DPP10: variants seen among roughly 807,000 people sequenced by gnomAD.
DPP10 encodes the protein inactive dipeptidyl peptidase 10.
Under a neutral mutation model 120.9 loss-of-function variants are expected in DPP10, and 33 were observed. That is an observed-to-expected ratio of 0.27 (90% CI 0.21 to 0.37). The LOEUF (loss-of-function observed/expected upper bound fraction) is 0.37, where lower values mean the gene tolerates loss of function less well. Among genes scored for constraint, DPP10 ranks in the 10% least tolerant of loss-of-function variants. The pLI is 1.00. For synonymous variants in DPP10, 337 were observed against 326.1 expected, an observed-to-expected ratio of 1.03 and a Z score of -0.36; for missense variants, 816 against 942.8, an observed-to-expected ratio of 0.87 and a Z score of 1.76.
intron 1 of DPP10, among the ~76,000 whole-genome samples, chr2:114,738,002 A>G (rs923580051): frequency 6.6e-6 from 1 of 152,202 alleles, no homozygotes; most frequent in Non-Finnish European, 1.5e-5. Flanking sequence ...AAGCCTTAGG[A>G]AACTTACAAT....
chr2:114,910,144 TAAATA>T (rs1694260361), intron 1 of DPP10, among the ~76,000 whole-genome samples: 1 of 151,810 alleles, frequency 6.6e-6, no homozygotes, highest in South Asian at 2.1e-4. Flanking sequence ...CATAAATAAA[TAAATA>T]AGATAAATAA....
intron 1 of DPP10, among the ~76,000 whole-genome samples, chr2:115,227,914 CT>C (rs1197473119): frequency 2.8e-5 from 3 of 106,414 alleles, no homozygotes; most frequent in Non-Finnish European, 3.7e-5. Context: ...CATCCGATTT[CT>C]TTTTTTTCCT....
At chr2:115,725,107 A>G (rs1489171994) in intron 7 of DPP10, among the ~76,000 whole-genome samples, 1 of 152,206 alleles carries the variant, frequency 6.6e-6, no homozygotes, top group African/African-American at 2.4e-5. Context: ...AAATAATAGT[A>G]TAAAATATTA....
At chr2:115,685,729 A>G (rs2090954104) in intron 5 of DPP10, among the ~76,000 whole-genome samples, 1 of 152,078 alleles carries the variant, frequency 6.6e-6, no homozygotes, top group Non-Finnish European at 1.5e-5. Context: ...AGATATTAAC[A>G]GAAATTTGTT....
intron 5 of DPP10, among the ~76,000 whole-genome samples, chr2:115,562,829 C>T (rs7581141): frequency 0.033 from 4,955 of 152,186 alleles, 268 homozygotes; most frequent in African/African-American, 0.11. Flanking sequence ...TTATCAAAAG[C>T]CTTTCTGATC....
intron 1 of DPP10, among the ~76,000 whole-genome samples, chr2:115,293,857 C>T (rs528405491): frequency 1.3e-5 from 2 of 151,910 alleles, no homozygotes; most frequent in African/African-American, 4.8e-5. Flanking sequence ...CTACTCTTGC[C>T]GAAGAAACAA....
chr2:114,575,964 C>T (rs983503931), intron 1 of DPP10, among the ~76,000 whole-genome samples: 9 of 152,068 alleles, frequency 5.9e-5, no homozygotes, highest in South Asian at 2.1e-4. Context: ...ATCAGAGATG[C>T]GTGATGAAAT....
At chr2:114,908,161 T>A (rs1694112462) in intron 1 of DPP10, among the ~76,000 whole-genome samples, 1 of 152,018 alleles carries the variant, frequency 6.6e-6, no homozygotes, top group Non-Finnish European at 1.5e-5. Context: ...ATTGTATGAC[T>A]TTTGAAATAT....
At chr2:114,672,970 T>A (rs1698442137) in intron 1 of DPP10, among the ~76,000 whole-genome samples, 1 of 152,162 alleles carries the variant, frequency 6.6e-6, no homozygotes, top group Admixed American at 6.6e-5. Context: ...TCTAAGGCCG[T>A]CTCAGCTCTA....
At position 114,834,312 on chromosome 2, in the gene DPP10, A is replaced by G. The variant is rs552150288; in HGVS notation, c.60+391474A>G. ...GCCATGTCTACACACCTATGTATAT[A>G]TAAGCCATGTCTACACACCTATGTA... On this transcript the variant is annotated intron_variant, in intron 1 of 25. Coordinates refer to ENST00000410059, the MANE Select transcript of DPP10 (RefSeq NM_020868.6). Among the ~76,000 whole-genome samples, 11 of 151,902 alleles carry G rather than the reference A, an allele frequency of 7.2e-5. No homozygotes were observed. The South Asian group carries it at 1.7e-3, about 23-fold the overall frequency.
At chr2:115,070,724 T>C (rs923108894) in intron 1 of DPP10, among the ~76,000 whole-genome samples, 2 of 152,194 alleles carry the variant, frequency 1.3e-5, no homozygotes, top group Admixed American at 6.5e-5. Flanking sequence ...ATACCAATTA[T>C]AAATATAAGT....
rs559640866 is a variant in DPP10, at chr2:114,684,890, C to T, written c.60+242052C>T. Among the ~76,000 whole-genome samples the T allele has an allele frequency of 3.3e-5, 5 of 151,980 alleles. No individual in the cohort carries two copies. In the South Asian group the frequency reaches 1.0e-3, roughly 31 times the overall value. On this transcript the variant is annotated intron_variant, in intron 1 of 25. Coordinates refer to ENST00000410059, the MANE Select transcript of DPP10 (RefSeq NM_020868.6). ...TGTTTGTAGAATTGAGGAGATGCTA[C>T]CTAGGGGAGACCATGGAGATCCACT...
intron 3 of DPP10, among the ~76,000 whole-genome samples, chr2:115,370,414 A>G (rs538147669): frequency 1.3e-5 from 2 of 152,108 alleles, no homozygotes; most frequent in Non-Finnish European, 2.9e-5. Context: ...TAGTGTATGT[A>G]TGAGGATTTG....
Position 115,812,788 on chromosome 2 carries a change from CTTTA to C in DPP10, c.1701-1999_1701-1996del, listed in dbSNP as rs917462638. On this transcript the variant is annotated intron_variant, in intron 19 of 25. Transcript: ENST00000410059. ...ATGGCACAGTTTATTTACGGTGTTT[CTTTA>C]TTTATAATACATCTCATAATCCACA... 1.1e-4 allele frequency among the ~76,000 whole-genome samples: 17 copies of C among 151,872 alleles called. No homozygotes were observed. In the East Asian group the frequency reaches 1.2e-3, roughly 10 times the overall value.
intron 3 of DPP10, among the ~76,000 whole-genome samples, chr2:115,374,940 G>A (rs1027277894): frequency 2.6e-5 from 4 of 152,198 alleles, no homozygotes; most frequent in African/African-American, 9.7e-5. Context: ...GTGATGGGAG[G>A]GGCTATTGTG....
At chr2:114,469,887 CCTT>C (rs1679762090) in intron 1 of DPP10, among the ~76,000 whole-genome samples, 2 of 152,220 alleles carry the variant, frequency 1.3e-5, no homozygotes, top group South Asian at 2.1e-4. Flanking sequence ...CCAAATGTAA[CCTT>C]CTTTAGAAAT....
chr2:114,790,772 T>A (rs1683171711), intron 1 of DPP10, among the ~76,000 whole-genome samples: 1 of 152,168 alleles, frequency 6.6e-6, no homozygotes, highest in Non-Finnish European at 1.5e-5. Context: ...GACCGGCCAT[T>A]TATACTTCTT....
chr2:115,428,884 C>T (rs1047215510), intron 3 of DPP10, among the ~76,000 whole-genome samples: 6 of 152,066 alleles, frequency 3.9e-5, no homozygotes, highest in Admixed American at 3.3e-4. Context: ...TTGGCTGAAT[C>T]GGACCTTATA....
chr2:114,900,402 G>T (rs1693460850), intron 1 of DPP10, among the ~76,000 whole-genome samples: 1 of 152,164 alleles, frequency 6.6e-6, no homozygotes, highest in Non-Finnish European at 1.5e-5. Context: ...ACCAATGCAT[G>T]AGCATTCTGG....
Sources: gnomAD v4.1 joint callset for allele counts (sites outside exome capture counted in the v4.1 genomes callset) on GRCh38, gnomAD v4.1.1 for gene constraint, MANE v1.5 for transcripts, NCBI Gene and HGNC (gene_info 2026-07-23, HGNC 2026-07-21) for gene names.